VPS13D: variants seen among roughly 807,000 people sequenced by gnomAD.
The protein encoded by VPS13D is vacuolar protein sorting 13 homolog D.
VPS13D carries 187 observed loss-of-function variants against 461.9 expected under a neutral mutation model. The ratio of observed to expected loss-of-function variants is 0.40; its 90% CI spans 0.36 to 0.46. VPS13D has a LOEUF of 0.46. Among genes scored for constraint, VPS13D ranks in the 20% least tolerant of loss-of-function variants. VPS13D has a pLI of 0.60. For missense variants in VPS13D, 4,711 were observed against 5,364.9 expected (o/e 0.88, Z 3.81); for synonymous variants, 1,951 against 1,986.3 (o/e 0.98, Z 0.47).
chr1:12,305,505 G>A (rs1205981113), intron 26 of VPS13D, among the ~76,000 whole-genome samples: 1 of 152,062 alleles, frequency 6.6e-6, no homozygotes, highest in Non-Finnish European at 1.5e-5. Context: ...CTCAGGCTGG[G>A]TCTTAAACTC....
chr1:12,470,562 A>G (rs1005088788), intron 67 of VPS13D, among the ~76,000 whole-genome samples: 3 of 152,246 alleles, frequency 2.0e-5, no homozygotes, highest in African/African-American at 7.2e-5. Flanking sequence ...GCAAATTGAC[A>G]GTAGAAATTT....
At chr1:12,271,855 A>G (rs1244252610) in intron 17 of VPS13D, among the ~76,000 whole-genome samples, 1 of 152,188 alleles carries the variant, frequency 6.6e-6, no homozygotes, top group Non-Finnish European at 1.5e-5. Flanking sequence ...GCCAGCTGCC[A>G]TGAGGATGCC....
intron 13 of VPS13D, among the ~76,000 whole-genome samples, chr1:12,262,400 A>G (rs1220214129): frequency 6.6e-6 from 1 of 152,248 alleles, no homozygotes; most frequent in Non-Finnish European, 1.5e-5. Context: ...AAGTGGCACA[A>G]GAGTTATACA....
chr1:12,344,323 A>G (rs1276016121), intron 42 of VPS13D, among the ~76,000 whole-genome samples: 1 of 152,182 alleles, frequency 6.6e-6, no homozygotes, highest in Non-Finnish European at 1.5e-5. Flanking sequence ...CAAGTCAAGC[A>G]GGTTTCCTTT....
intron 24 of VPS13D, among the ~76,000 whole-genome samples, chr1:12,296,905 T>C (rs1366865302): frequency 6.6e-6 from 1 of 152,224 alleles, no homozygotes; most frequent in African/African-American, 2.4e-5. Context: ...TGGGTTTAAC[T>C]TCCTGGGTTA....
chr1:12,507,304 G>C lies in VPS13D; in HGVS notation c.13035+211G>C. 1.2e-6 allele frequency: 1 copy of C among 859,716 alleles called. No homozygotes were observed. Among genetic ancestry groups the C allele is most frequent in the Non-Finnish European group, 2.0e-6 (1 of 508,414 alleles). The allele number at this position is 859,716 out of a possible 1,614,324, so 53.3% of individuals were successfully genotyped here. On this transcript the variant is annotated intron_variant, in intron 69 of 69. Transcript: ENST00000620676. This position sits in a 1 kb window ranked among gnomAD's most constrained non-coding sequence, Gnocchi z 5.3. ...CCCAGCTGGCCCATGGGTGACCCTG[G>C]GAACATTAACTGCCTCACAACGTTT...
At chr1:12,405,381 C>A (rs12061955) in intron 63 of VPS13D, among the ~76,000 whole-genome samples, 2,938 of 152,244 alleles carry the variant, frequency 0.019, 105 homozygotes, top group African/African-American at 0.065. Flanking sequence ...CTCATGTGGC[C>A]GTGTCTGCCA....
rs146589155 is a variant in VPS13D, at chr1:12,355,956, A to G, written c.9737A>G (p.Gln3246Arg). ...GAATTGCTCATTCCACCTGGAACCCAAAACTATATGGTGAGAATGCGACTC... is the reference window on the plus strand; with the variant it reads ...GAATTGCTCATTCCACCTGGAACCCGAAACTATATGGTGAGAATGCGACTC... ...CKELLIPPGT[Q>R]NYMVRMRLYD... is the part of the protein sequence containing the mutation. The change falls in exon 48 of 70, where the codon CAA becomes CGA. Residue 3246 changes from glutamine (Q) to arginine (R), a missense_variant. Transcript: ENST00000620676. The G allele has an allele frequency of 9.6e-5, 155 of 1,612,832 alleles. No individual in the cohort carries two copies. Among genetic ancestry groups the G allele is most frequent in the Non-Finnish European group, 1.2e-4 (142 of 1,179,204 alleles).
chr1:12,375,782 C>G (rs1392936271), intron 55 of VPS13D, among the ~76,000 whole-genome samples: 1 of 152,234 alleles, frequency 6.6e-6, no homozygotes, highest in African/African-American at 2.4e-5. Flanking sequence ...CTGGGCTGCC[C>G]CATCGCTTAG....
At chr1:12,303,465 C>T (rs1642479415) in intron 25 of VPS13D, among the ~76,000 whole-genome samples, 1 of 152,156 alleles carries the variant, frequency 6.6e-6, no homozygotes, top group Non-Finnish European at 1.5e-5. Flanking sequence ...AAACACTTTA[C>T]AGAGTTTAAA....
At chr1:12,349,091 T>C in intron 45 of VPS13D, 73 bp from the exon 46 acceptor site, 1 of 1,611,044 alleles carries the variant, frequency 6.2e-7, no homozygotes, top group Non-Finnish European at 8.5e-7. Flanking sequence ...TCTGTCTTCT[T>C]TTGTCCTGAG....
At chr1:12,282,565 A>G in intron 20 of VPS13D, 140 bp from the exon 21 acceptor site, 1 of 834,740 alleles carries the variant, frequency 1.2e-6, no homozygotes, top group Non-Finnish European at 1.9e-6. Context: ...AGGACAAAAT[A>G]AATGAAAAGA....
At chr1:12,260,651 G>A (rs755627616) in intron 10 of VPS13D, 42 bp from the exon 11 acceptor site, 87 of 1,568,812 alleles carry the variant, frequency 5.5e-5, no homozygotes, top group South Asian at 1.0e-4. Flanking sequence ...GATCTACAAC[G>A]TTTGTGTTTT....
intron 29 of VPS13D, among the ~76,000 whole-genome samples, chr1:12,313,185 T>C (rs984456857): frequency 6.6e-6 from 1 of 152,156 alleles, no homozygotes; most frequent in African/African-American, 2.4e-5. Flanking sequence ...TTCTAGTTAG[T>C]CTTTCTGTTG....
chr1:12,456,695 C>T (rs1017342186), intron 66 of VPS13D, among the ~76,000 whole-genome samples: 26 of 150,800 alleles, frequency 1.7e-4, no homozygotes, highest in African/African-American at 6.1e-4. Context: ...CCTGTGTTGG[C>T]GTACCTGATA....
intron 24 of VPS13D, among the ~76,000 whole-genome samples, chr1:12,297,047 A>G (rs995627717): frequency 6.6e-6 from 1 of 152,234 alleles, no homozygotes; most frequent in Non-Finnish European, 1.5e-5. Context: ...GATCTTCTCA[A>G]GAATCTTTAA....
chr1:12,471,360 C>T (rs560628061), intron 67 of VPS13D, among the ~76,000 whole-genome samples: 27 of 152,256 alleles, frequency 1.8e-4, no homozygotes, highest in South Asian at 8.3e-4. Context: ...TATTTTGCTA[C>T]GACAAATTTA....
intron 54 of VPS13D, among the ~76,000 whole-genome samples, chr1:12,370,308 A>G (rs898080404): frequency 3.3e-5 from 5 of 152,250 alleles, no homozygotes; most frequent in Admixed American, 2.6e-4. Flanking sequence ...TTCTACCAAC[A>G]TATAAATATA....
intron 68 of VPS13D, among the ~76,000 whole-genome samples, chr1:12,503,523 T>C (rs535388805): frequency 7.9e-5 from 12 of 152,176 alleles, no homozygotes; most frequent in Non-Finnish European, 1.6e-4. Flanking sequence ...AAGAATAGTA[T>C]AAAAATCCTA....
Sources: allele counts gnomAD v4.1 joint callset (sites outside exome capture counted in the v4.1 genomes callset), GRCh38; gene constraint gnomAD v4.1.1; non-coding constraint Gnocchi (gnomAD v3.1); transcripts MANE v1.5; gene names NCBI Gene and HGNC (gene_info 2026-07-23, HGNC 2026-07-21).